Variants in ANO10 observed in about 807,000 individuals in gnomAD.
The protein encoded by ANO10 is anoctamin 10.
Under a neutral mutation model 74.7 loss-of-function variants are expected in ANO10, and 77 were observed. The ratio of observed to expected loss-of-function variants is 1.03; its 90% CI spans 0.86 to 1.25. The LOEUF is 1.25. Among genes scored for constraint, ANO10 ranks in the 50% most tolerant of loss-of-function variants. ANO10 has a pLI of 0.00. For missense variants in ANO10, 721 were observed against 778.1 expected (o/e 0.93, Z 0.87); for synonymous variants, 279 against 284.9 (o/e 0.98, Z 0.21).
At chr3:43,667,519 A>AT (rs1475705990) in intron 1 of ANO10, among the ~76,000 whole-genome samples, 1 of 151,906 alleles carries the variant, frequency 6.6e-6, no homozygotes, top group Non-Finnish European at 1.5e-5. Context: ...GATTTCTGAG[A>AT]TTTTAGGGCA....
In ANO10 at chr3:43,444,046, T is replaced by C. The variant is rs187544542; in HGVS notation, c.1798-11319A>G. Among the ~76,000 whole-genome samples, 307 of 152,290 alleles carry C rather than the reference T, an allele frequency of 2.0e-3. 1 individual carries two copies. The highest frequency in any genetic ancestry group is 7.2e-3 in the African/African-American group (298 of 41,576). ...GGAAATATCAATTAGACCAAATTAA[T>C]GCAAGAAAATAATCTAAAGGGTTAC... On this transcript the variant is annotated intron_variant, in intron 11 of 12. Coordinates refer to ENST00000292246, the MANE Select transcript of ANO10 (RefSeq NM_018075.5).
At chr3:43,460,186 A>C (rs1468114873) in intron 11 of ANO10, among the ~76,000 whole-genome samples, 1 of 152,220 alleles carries the variant, frequency 6.6e-6, no homozygotes, top group Admixed American at 6.5e-5. Flanking sequence ...CTGAGTGTAG[A>C]AAATTACAGC....
chr3:43,429,629 C>A (rs2092950943), intron 12 of ANO10, among the ~76,000 whole-genome samples: 1 of 152,106 alleles, frequency 6.6e-6, no homozygotes, highest in Non-Finnish European at 1.5e-5. Context: ...TTTTTAGATG[C>A]TTTATGCCCT....
intron 1 of ANO10, among the ~76,000 whole-genome samples, chr3:43,643,277 C>T (rs569230702): frequency 6.6e-6 from 1 of 151,820 alleles, no homozygotes; most frequent in South Asian, 2.1e-4. Context: ...ATGATCCACC[C>T]GCCTCGGCCT....
intron 11 of ANO10, among the ~76,000 whole-genome samples, chr3:43,513,583 C>T (rs2077593650): frequency 6.6e-6 from 1 of 152,160 alleles, no homozygotes; most frequent in Admixed American, 6.5e-5. Context: ...GATCTCCACT[C>T]ACTGCAAGCT....
At chr3:43,656,097 C>T (rs2083847017) in intron 1 of ANO10, among the ~76,000 whole-genome samples, 1 of 151,048 alleles carries the variant, frequency 6.6e-6, no homozygotes, top group African/African-American at 2.4e-5. Context: ...GGTGTGTTTA[C>T]AAACCTTGAG....
chr3:43,481,922 T>C lies in ANO10; in HGVS notation c.1798-49195A>G, dbSNP rs188323053. 6.6e-3 allele frequency among the ~76,000 whole-genome samples: 979 copies of C among 149,404 alleles called. 8 individuals are homozygous for C. Among genetic ancestry groups the C allele is most frequent in the African/African-American group, 0.023 (923 of 39,948 alleles). On this transcript the variant is annotated intron_variant, in intron 11 of 12. Coordinates refer to ENST00000292246, the MANE Select transcript of ANO10 (RefSeq NM_018075.5). ...TATTGATTGATGTCTTTTTTCTTTTTTTTTCTTTTTTTTTTTTTTTTTTGA... is the reference window on the plus strand; with the variant it reads ...TATTGATTGATGTCTTTTTTCTTTTCTTTTCTTTTTTTTTTTTTTTTTTGA...
chr3:43,574,928 G>C, intron 6 of ANO10, 64 bp from the exon 7 acceptor site: 1 of 1,385,978 alleles, frequency 7.2e-7, no homozygotes. Flanking sequence ...ACTGTTATGA[G>C]GTAAAGTGAG....
chr3:43,485,872 G>C (rs573496792), intron 11 of ANO10: 1 of 251,788 alleles, frequency 4.0e-6, no homozygotes, highest in African/African-American at 2.4e-5. Context: ...GTGTGCCCAA[G>C]ACCTTCATGG....
At chr3:43,378,078 A>G (rs1233978657) in intron 12 of ANO10, among the ~76,000 whole-genome samples, 1 of 152,202 alleles carries the variant, frequency 6.6e-6, no homozygotes, top group East Asian at 1.9e-4. Flanking sequence ...ATGAAGTAAG[A>G]GCCTACTAAA....
chr3:43,491,550 C>A (rs2076725379), intron 11 of ANO10, among the ~76,000 whole-genome samples: 1 of 152,002 alleles, frequency 6.6e-6, no homozygotes. Context: ...AGTCAAAGGT[C>A]AAACTGCACA....
At chr3:43,545,923 T>G (rs1052832026) in intron 11 of ANO10, among the ~76,000 whole-genome samples, 3 of 152,228 alleles carry the variant, frequency 2.0e-5, no homozygotes, top group African/African-American at 7.2e-5. Flanking sequence ...GTATTTTCTA[T>G]TCTATTTGTA....
At chr3:43,389,395 C>T (rs1475986570) in intron 12 of ANO10, among the ~76,000 whole-genome samples, 3 of 152,180 alleles carry the variant, frequency 2.0e-5, no homozygotes, top group Admixed American at 2.0e-4. Flanking sequence ...GTTAAAAGGA[C>T]ATGAAATAAA....
chr3:43,456,898 C>T (rs149752899), intron 11 of ANO10, among the ~76,000 whole-genome samples: 95 of 152,314 alleles, frequency 6.2e-4, no homozygotes, highest in African/African-American at 2.2e-3. Context: ...TTCATACTTA[C>T]AACTTTCTTG....
intron 11 of ANO10, among the ~76,000 whole-genome samples, chr3:43,462,989 T>C (rs2075451041): frequency 6.6e-6 from 1 of 152,200 alleles, no homozygotes; most frequent in Non-Finnish European, 1.5e-5. Flanking sequence ...TCTGCCTAGA[T>C]TTCAGAAGAT....
chr3:43,438,750 A>C (rs1026216725), intron 11 of ANO10, among the ~76,000 whole-genome samples: 9 of 151,582 alleles, frequency 5.9e-5, no homozygotes, highest in African/African-American at 2.2e-4. Context: ...TCTGTCTTAA[A>C]AAAAAAAAAA....
intron 7 of ANO10, among the ~76,000 whole-genome samples, chr3:43,573,983 C>A (rs1195342397): frequency 6.6e-6 from 1 of 152,162 alleles, no homozygotes; most frequent in Non-Finnish European, 1.5e-5. Flanking sequence ...GAGACAGGGT[C>A]TCGCTCTGTC....
At chr3:43,393,005 C>T (rs1326535231) in intron 12 of ANO10, among the ~76,000 whole-genome samples, 1 of 152,162 alleles carries the variant, frequency 6.6e-6, no homozygotes, top group Non-Finnish European at 1.5e-5. Flanking sequence ...TAATTTAAAT[C>T]CAAATAGGCA....
At chr3:43,450,617 T>C (rs773669733) in intron 11 of ANO10, among the ~76,000 whole-genome samples, 2 of 152,188 alleles carry the variant, frequency 1.3e-5, no homozygotes, top group African/African-American at 4.8e-5. Flanking sequence ...CTGGTTATGA[T>C]AAGGAAATCA....
Sources: allele counts gnomAD v4.1 joint callset (sites outside exome capture counted in the v4.1 genomes callset), GRCh38; gene constraint gnomAD v4.1.1; transcripts MANE v1.5; gene names NCBI Gene and HGNC (gene_info 2026-07-23, HGNC 2026-07-21).